The following SH3TC1 variants were observed in gnomAD, a reference collection of about 807,000 sequenced individuals.
The protein encoded by SH3TC1 is SH3 domain and tetratricopeptide repeats 1, also known as SH3 domain and tetratricopeptide repeat-containing protein 1.
In SH3TC1, 135 loss-of-function variants were observed where a neutral mutation model predicts 117.3. That is an observed-to-expected ratio of 1.15 (90% CI 1.00 to 1.33). The LOEUF (loss-of-function observed/expected upper bound fraction) is 1.33, where lower values mean the gene tolerates loss of function less well. SH3TC1 is among the 40% of genes most tolerant of loss of function. The pLI is 0.00. For synonymous variants in SH3TC1, 898 were observed against 816.9 expected (o/e 1.10, Z -1.69); for missense variants, 2,092 against 1,794.3 (o/e 1.17, Z -3.00).
At chr4:8,200,735 C>A (rs991641902) in intron 1 of SH3TC1, among the ~76,000 whole-genome samples, 1 of 152,236 alleles carries the variant, frequency 6.6e-6, no homozygotes, top group East Asian at 1.9e-4. Context: ...GAATTCCGAA[C>A]TCAAGGCGTC....
chr4:8,225,293 CTGAG>C lies in SH3TC1; in HGVS notation c.1285+78_1285+81del. 1 of 1,509,916 alleles carries C rather than the reference CTGAG, an allele frequency of 6.6e-7. No individual in the cohort carries two copies. Among genetic ancestry groups the C allele is most frequent in the South Asian group, 1.2e-5 (1 of 84,440 alleles). 93.5% of individuals were successfully genotyped at this position (1,509,916 alleles called of 1,614,324 possible). ...GGTAACGCTGGGGGAGGTGACAAAG[CTGAG>C]CACGGTGGGCATTGGGTGCGGCTGT... On this transcript the variant is annotated intron_variant, in intron 11 of 17. Transcript: ENST00000245105. The surrounding 1 kb of genome is among the most constrained non-coding windows in gnomAD (Gnocchi z 5.5).
At chr4:8,231,955 T>C (rs1721260240) in intron 12 of SH3TC1, 21 bp from the exon 13 acceptor site, 1 of 1,607,898 alleles carries the variant, frequency 6.2e-7, no homozygotes, top group Non-Finnish European at 8.5e-7. Flanking sequence ...GCTGACGTCT[T>C]CCTTTTTGTC....
At chr4:8,201,663 C>T (rs1717852269) in intron 1 of SH3TC1, 1 of 152,286 alleles carries the variant, frequency 6.6e-6, no homozygotes, top group South Asian at 2.1e-4. Context: ...GAGCTCACTT[C>T]CTCATCGCCA....
rs370083130 is a variant in SH3TC1, at chr4:8,239,891, G to A, written c.3754-807G>A. On this transcript the variant is annotated intron_variant, in intron 17 of 17. Coordinates refer to ENST00000245105, the MANE Select transcript of SH3TC1 (RefSeq NM_018986.5). ...CCAGTGTTCGGTGGGGCTGGGGGGC[G>A]TTGGATGAGCAGTGATGTGACTCGG... Among the ~76,000 whole-genome samples the A allele has an allele frequency of 6.6e-5, 10 of 152,364 alleles. No homozygotes were observed. In the East Asian group the frequency reaches 1.5e-3, roughly 24 times the overall value.
rs769102180 is a variant in SH3TC1 at position 8,236,334 on chromosome 4, G to A, written c.3462G>A (p.Leu1154=). Reference sequence around the variant, plus strand: ...GCAACCGCAAGGCGGAGCTGCGGCTGTGCAACAAGCTGGTGGCACTGCTGG... The same window carrying A: ...GCAACCGCAAGGCGGAGCTGCGGCTATGCAACAAGCTGGTGGCACTGCTGG... The part of the protein sequence containing the change: ...TTGNRKAELR[L]CNKLVALLAT... The change falls in exon 16 of 18, where the codon CTG becomes CTA. Residue 1154 remains leucine (L), a synonymous_variant. Transcript: ENST00000245105. 2.6e-6 allele frequency: 4 copies of A among 1,553,344 alleles called. No individual in the cohort carries two copies. Among genetic ancestry groups the A allele is most frequent in the Non-Finnish European group, 3.5e-6 (4 of 1,148,844 alleles).
chr4:8,219,529 G>C lies in SH3TC1; in HGVS notation c.1111G>C (p.Glu371Gln), dbSNP rs562788402. ...SLISMQGPVS[E>Q]LESAIFLNEE... ...CATCAGCATGCAGGGCCCCGTGTCC[G>C]AGTGAGTGGCTGGAGCCCCGCCCCT... Residue 371 changes from glutamate to glutamine, a missense_variant and splice_region_variant, in exon 9 of 18, where the codon GAG (glutamate) becomes CAG (glutamine). Physicochemically the swap from Glu to Gln is conservative, Grantham distance 29 (BLOSUM62 2). Coordinates refer to ENST00000245105, the MANE Select transcript of SH3TC1 (RefSeq NM_018986.5). 7 of 1,550,804 alleles carry C rather than the reference G, an allele frequency of 4.5e-6. No homozygotes were observed. Among genetic ancestry groups the C allele is most frequent in the East Asian group, 2.3e-5 (1 of 42,916 alleles).
At position 8,217,154 on chromosome 4, in the gene SH3TC1, AT is replaced by A; in HGVS notation, c.828del (p.Pro277HisfsTer22). 1 of 1,608,414 alleles carries A rather than the reference AT, an allele frequency of 6.2e-7. No homozygotes were observed. The highest frequency in any genetic ancestry group is 8.5e-7 in the Non-Finnish European group (1 of 1,177,640). ...AGTGGCGGCCGCCCCGGAGCCTTTG[AT>A]TCCATTTCATCAGTAGGTACCGGCC... ...VAVAAAPEPL[I>X]PFHQWALRIP... On this transcript the variant is annotated frameshift_variant, in exon 7 of 18. Transcript: ENST00000245105. LOFTEE classifies it high-confidence loss of function.
upstream of SH3TC1, among the ~76,000 whole-genome samples, chr4:8,198,767 C>G (rs548143144): frequency 6.6e-6 from 1 of 152,164 alleles, no homozygotes; most frequent in Non-Finnish European, 1.5e-5. Flanking sequence ...GCCAGTGGCC[C>G]GGAGGGCACC....
Position 8,192,237 on chromosome 4 carries a change from G to T in SH3TC1, c.-57+10027G>T, listed in dbSNP as rs534468419. 1.1e-3 allele frequency among the ~76,000 whole-genome samples: 163 copies of T among 151,564 alleles called. No homozygotes were observed. The highest frequency in any genetic ancestry group is 3.8e-3 in the African/African-American group (156 of 41,302). On this transcript the variant is annotated intron_variant, in intron 1 of 16. Transcript: ENST00000508641. This position sits in a 1 kb window ranked among gnomAD's most constrained non-coding sequence, Gnocchi z 4.1. ...CCGAACTCCTGACCTCAAGTGATCT[G>T]CACCCCCCTCGGCCTCCCAAAGTGC...
intron 16 of SH3TC1, chr4:8,237,271 T>C: frequency 2.1e-6 from 1 of 480,796 alleles, no homozygotes; most frequent in Non-Finnish European, 3.6e-6. Context: ...AAGTCCGACT[T>C]TGCCAAAGCC....
In SH3TC1 at chr4:8,233,387, C is replaced by A; in HGVS notation, c.3156C>A (p.Tyr1052Ter). The A allele has an allele frequency of 3.1e-6, 5 of 1,613,368 alleles. No individual in the cohort carries two copies. Among genetic ancestry groups the A allele is most frequent in the Non-Finnish European group, 4.2e-6 (5 of 1,179,654 alleles). The change falls in exon 14 of 18, where the codon TAC becomes TAA. Residue 1052 changes from tyrosine to a stop codon, truncating the protein, a stop_gained. Coordinates refer to ENST00000245105, the MANE Select transcript of SH3TC1 (RefSeq NM_018986.5). LOFTEE classifies it high-confidence loss of function. ...GGGCCTACAAATCCGCACTGGACTA[C>A]ACCAAACGAAGTCTGGGGATTTTCA... ...TERAYKSALD[Y>*]TKRSLGIFID...
Position 8,219,059 on chromosome 4 carries a change from G to A in SH3TC1, c.917-276G>A, listed in dbSNP as rs1181603184. 3.3e-5 allele frequency among the ~76,000 whole-genome samples: 5 copies of A among 152,124 alleles called. No individual in the cohort carries two copies. The South Asian group carries it at 6.2e-4, about 19-fold the overall frequency. ...GGTTGTGGCTGCAGAAGGAAAGGAG[G>A]AAAGAGCCTTGGCCTTGGAGGCTGA... On this transcript the variant is annotated intron_variant, in intron 8 of 17. Transcript: ENST00000245105.
intron 14 of SH3TC1, 32 bp downstream of exon 14, chr4:8,233,545 C>A (rs551093877): frequency 6.4e-7 from 1 of 1,569,038 alleles, no homozygotes; most frequent in East Asian, 2.3e-5. Context: ...AGGGCCTCTG[C>A]ACATGTTCAC....
chr4:8,204,899 A>C, intron 1 of SH3TC1: 5 of 287,582 alleles, frequency 1.7e-5, no homozygotes, highest in Non-Finnish European at 2.6e-5. Flanking sequence ...TCGACAGGGA[A>C]GGGGACTCCA....
In SH3TC1 at chr4:8,225,267, G is replaced by C. The variant is rs1236505397; in HGVS notation, c.1285+51G>C. ...TCCTCTGGTTATGAGCTGGGCCTTG[G>C]GGTAACGCTGGGGGAGGTGACAAAG... On this transcript the variant is annotated intron_variant, in intron 11 of 17. Transcript: ENST00000245105. The surrounding 1 kb of genome is among the most constrained non-coding windows in gnomAD (Gnocchi z 5.5). The C allele has an allele frequency of 2.5e-6, 4 of 1,582,484 alleles. No individual in the cohort carries two copies. Among genetic ancestry groups the C allele is most frequent in the East Asian group, 2.3e-5 (1 of 44,024 alleles).
chr4:8,232,696 C>T, intron 13 of SH3TC1: 1 of 1,290,506 alleles, frequency 7.7e-7, no homozygotes, highest in Non-Finnish European at 1.0e-6. Flanking sequence ...CCCTGGCCAC[C>T]CCACCCACAG....
intron 1 of SH3TC1, among the ~76,000 whole-genome samples, chr4:8,191,299 G>A (rs1414600402): frequency 4.6e-5 from 7 of 152,098 alleles, no homozygotes; most frequent in African/African-American, 9.7e-5. Context: ...AGGACATTCC[G>A]GCCAGTTCGG....
intron 1 of SH3TC1, among the ~76,000 whole-genome samples, chr4:8,187,849 C>G (rs1206894581): frequency 6.6e-6 from 1 of 152,202 alleles, no homozygotes; most frequent in African/African-American, 2.4e-5. Flanking sequence ...CGCATCCGGC[C>G]TACATATTTG....
chr4:8,219,307 GCACT>G (rs1719661766), intron 8 of SH3TC1, 24 bp from the exon 9 acceptor site: 1 of 1,556,518 alleles, frequency 6.4e-7, no homozygotes, highest in Admixed American at 1.8e-5. Flanking sequence ...GGTCTCCCTG[GCACT>G]CACCATGTGG....
Sources: gnomAD v4.1 joint callset for allele counts (sites outside exome capture counted in the v4.1 genomes callset) on GRCh38, gnomAD v4.1.1 for gene constraint, Gnocchi (gnomAD v3.1) non-coding constraint, MANE v1.5 for transcripts, NCBI Gene and HGNC (gene_info 2026-07-23, HGNC 2026-07-21) for gene names.